The following PLXNA2 variants were observed in gnomAD, a reference collection of about 807,000 sequenced individuals.
PLXNA2 encodes the protein plexin-A2.
PLXNA2 carries 91 observed loss-of-function variants against 193.5 expected under a neutral mutation model. The observed-to-expected ratio is 0.47, with a 90% confidence interval of 0.40 to 0.56. The LOEUF is 0.56. Among genes scored for constraint, PLXNA2 ranks in the 20% least tolerant of loss-of-function variants. The pLI is 0.00. For missense variants in PLXNA2, 1,995 were observed against 2,503.2 expected, an observed-to-expected ratio of 0.80 and a Z score of 4.33; for synonymous variants, 997 against 1,027.3, an observed-to-expected ratio of 0.97 and a Z score of 0.56.
At chr1:208,128,686 T>C (rs1043567730) in intron 4 of PLXNA2, among the ~76,000 whole-genome samples, 2 of 104,940 alleles carry the variant, frequency 1.9e-5, no homozygotes, top group African/African-American at 7.4e-5. Flanking sequence ...AAGTGTTTCC[T>C]GTTTCTTTCT....
chr1:208,171,056 G>A (rs1428621992), intron 3 of PLXNA2, among the ~76,000 whole-genome samples: 1 of 152,102 alleles, frequency 6.6e-6, no homozygotes, highest in African/African-American at 2.4e-5. Context: ...AGGCTGTAAC[G>A]AGTGGTAACA....
rs779476787 is a variant in PLXNA2 at position 208,033,428 on chromosome 1, AC to A, written c.4945del (p.Val1649SerfsTer7). 6.2e-7 allele frequency: 1 copy of A among 1,613,780 alleles called. No individual in the cohort carries two copies. The highest frequency in any genetic ancestry group is 1.3e-5 in the African/African-American group (1 of 74,934). ...GTTCTTCACCAGATGCCACACCTTG[AC>A]CCCACTTTCCAGGTCTGGGGTGATC... ...PMITPDLESG[V>X]KVWHLVKNHD... On this transcript the variant is annotated frameshift_variant, in exon 28 of 32. Transcript: ENST00000367033. LOFTEE classifies it high-confidence loss of function.
rs114804645 is a variant in PLXNA2, at chr1:208,179,393, T to G, written c.1371+30887A>C. ...TGGCTCACAGCCAGCTCCATTTCCC[T>G]GCTAGGAGGTGCAGCCGGGGCTTTT... On this transcript the variant is annotated intron_variant, in intron 3 of 31. Coordinates refer to ENST00000367033, the MANE Select transcript of PLXNA2 (RefSeq NM_025179.4). Among the ~76,000 whole-genome samples, 976 of 152,270 alleles carry G rather than the reference T, an allele frequency of 6.4e-3. 13 individuals are homozygous for G. The highest frequency in any genetic ancestry group is 0.022 in the African/African-American group (926 of 41,566).
At chr1:208,235,789 T>C (rs1671832392) in intron 1 of PLXNA2, among the ~76,000 whole-genome samples, 2 of 152,176 alleles carry the variant, frequency 1.3e-5, no homozygotes, top group African/African-American at 4.8e-5. Flanking sequence ...CAGCTCCCCA[T>C]GCAGTTCAGA....
At chr1:208,221,579 G>A (rs991657802) in intron 1 of PLXNA2, among the ~76,000 whole-genome samples, 1 of 152,218 alleles carries the variant, frequency 6.6e-6, no homozygotes, top group African/African-American at 2.4e-5. Flanking sequence ...GAGTCAAGAG[G>A]AGGCACAGTC....
At chr1:208,221,341 C>A (rs1159394273) in intron 1 of PLXNA2, among the ~76,000 whole-genome samples, 4 of 149,968 alleles carry the variant, frequency 2.7e-5, no homozygotes, top group South Asian at 2.1e-4. Context: ...TTGCTCCAAC[C>A]TGGAGAGGCT....
chr1:208,034,532 C>G lies in PLXNA2; in HGVS notation c.4825G>C (p.Ala1609Pro), dbSNP rs775522018. The G allele has an allele frequency of 3.6e-5, 58 of 1,613,904 alleles. No homozygotes were observed. The highest frequency in any genetic ancestry group is 4.7e-5 in the Non-Finnish European group (56 of 1,179,910). ...PKQTSSYNIP[A>P]SASISRTSIS... is the part of the protein sequence containing the mutation. ...GACGTCCGGGAGATGCTGGCAGAGGCAGGGATGTTGTAGGAGGAGGTCTGT... is the reference window on the plus strand; with the variant it reads ...GACGTCCGGGAGATGCTGGCAGAGGGAGGGATGTTGTAGGAGGAGGTCTGT... Residue 1609 changes from alanine to proline, a missense_variant, in exon 27 of 32, where the codon GCC becomes CCC. By Grantham distance (27) the Ala-to-Pro change is conservative. Coordinates refer to ENST00000367033, the MANE Select transcript of PLXNA2 (RefSeq NM_025179.4).
intron 12 of PLXNA2, among the ~76,000 whole-genome samples, chr1:208,071,287 G>A (rs1000974123): frequency 6.6e-6 from 1 of 152,236 alleles, no homozygotes; most frequent in African/African-American, 2.4e-5. Context: ...GGGATTTCAG[G>A]AGGGTTCTGC....
chr1:208,164,870 C>T (rs185310844), intron 3 of PLXNA2, among the ~76,000 whole-genome samples: 258 of 152,328 alleles, frequency 1.7e-3, no homozygotes, highest in African/African-American at 5.3e-3. Flanking sequence ...CCCTTGTCTG[C>T]AGATCGGCAA....
In PLXNA2 at chr1:208,046,047, C is replaced by T; in HGVS notation, c.3326G>A (p.Gly1109Asp). ...ATCTGGGCGTTCCACAGTGTCCAGG[C>T]CAGGGCGGTAGTCCGTGGTCAGAGA... ...APSLTTDYRPGLDTVERPDEF... is the reference protein window; with the variant it reads ...APSLTTDYRPDLDTVERPDEF... The change falls in exon 18 of 32, where the codon GGC becomes GAC. Residue 1109 changes from glycine (G) to aspartate (D), a missense_variant. Gly to Asp is a moderately conservative substitution (Grantham distance 94). Coordinates refer to ENST00000367033, the MANE Select transcript of PLXNA2 (RefSeq NM_025179.4). 6.2e-7 allele frequency: 1 copy of T among 1,614,240 alleles called. No homozygotes were observed.
At chr1:208,164,937 G>A (rs932304466) in intron 3 of PLXNA2, among the ~76,000 whole-genome samples, 2 of 152,264 alleles carry the variant, frequency 1.3e-5, no homozygotes, top group African/African-American at 2.4e-5. Flanking sequence ...CTTAGGTGGG[G>A]GCCTTGCCAG....
chr1:208,152,779 G>A (rs1558218302), intron 3 of PLXNA2, among the ~76,000 whole-genome samples: 3 of 150,874 alleles, frequency 2.0e-5, no homozygotes, highest in Admixed American at 6.6e-5. Flanking sequence ...TTGTCATTCA[G>A]GAGTCTAGCT....
chr1:208,223,255 A>G (rs1299254070), intron 1 of PLXNA2, among the ~76,000 whole-genome samples: 1 of 151,354 alleles, frequency 6.6e-6, no homozygotes, highest in African/African-American at 2.4e-5. Context: ...TTAATATGAA[A>G]GACACCACAG....
chr1:208,113,655 T>A (rs1667557812), intron 4 of PLXNA2, among the ~76,000 whole-genome samples: 1 of 142,898 alleles, frequency 7.0e-6, no homozygotes, highest in South Asian at 2.4e-4. Flanking sequence ...ATTCATGCAA[T>A]CCTCCCACCT....
rs114734830 is a variant in PLXNA2, at chr1:208,159,644, C to T, written c.1372-17181G>A. 2.3e-3 allele frequency among the ~76,000 whole-genome samples: 355 copies of T among 152,342 alleles called. 2 individuals carry two copies. Among genetic ancestry groups the T allele is most frequent in the African/African-American group, 8.0e-3 (331 of 41,580 alleles). ...TGAAGATCTGAAAGTCTGGTGCTAC[C>T]GTGACGCCCACTTGCAATTCTTGCT... is the stretch of plus-strand genomic sequence containing the variant. On this transcript the variant is annotated intron_variant, in intron 3 of 31. Coordinates refer to ENST00000367033, the MANE Select transcript of PLXNA2 (RefSeq NM_025179.4).
chr1:208,151,412 T>C (rs1668758013), intron 3 of PLXNA2, among the ~76,000 whole-genome samples: 1 of 152,140 alleles, frequency 6.6e-6, no homozygotes, highest in Non-Finnish European at 1.5e-5. Context: ...GAGCCACTCT[T>C]TCAGGTCTGT....
In PLXNA2 at chr1:208,209,983, ATTTTT is replaced by A. The variant is rs1553297870; in HGVS notation, c.1371+292_1371+296del. On this transcript the variant is annotated intron_variant, in intron 3 of 31. Coordinates refer to ENST00000367033, the MANE Select transcript of PLXNA2 (RefSeq NM_025179.4). ...TTGCTTGATTTGGGAATGAAGAGCAATTTTTTTTTTTTTTTTTTTTTGCTTTTGCA... is the reference window on the plus strand; with the variant it reads ...TTGCTTGATTTGGGAATGAAGAGCAATTTTTTTTTTTTTTTTGCTTTTGCA... The A allele has an allele frequency of 9.3e-4, 82 of 87,922 alleles. 3 individuals are homozygous for A. Among genetic ancestry groups the A allele is most frequent in the South Asian group, 4.8e-3 (19 of 3,974 alleles). 5.4% of individuals were successfully genotyped at this position (87,922 alleles called of 1,614,324 possible). A position where few individuals can be genotyped will look rare whatever the true frequency, so the allele number is the denominator to read the frequency against.
intron 4 of PLXNA2, among the ~76,000 whole-genome samples, chr1:208,115,844 G>A (rs192719124): frequency 1.3e-5 from 2 of 152,290 alleles, no homozygotes; most frequent in African/African-American, 4.8e-5. Context: ...TCAAGAGTCA[G>A]TGTTTTGTAC....
Position 208,055,060 on chromosome 1 carries a change from G to A in PLXNA2, c.2739-522C>T, listed in dbSNP as rs141654707. 1.1e-3 allele frequency among the ~76,000 whole-genome samples: 175 copies of A among 152,278 alleles called. 1 individual carries two copies. The highest frequency in any genetic ancestry group is 8.5e-3 in the East Asian group (44 of 5,174). On this transcript the variant is annotated intron_variant, in intron 13 of 31. Coordinates refer to ENST00000367033, the MANE Select transcript of PLXNA2 (RefSeq NM_025179.4). ...GAGAGATAATCTGGTGAGATAGTGA[G>A]AGCTCAGAGAAGGAGCTCCCTGCAG...
Sources: allele counts gnomAD v4.1 joint callset (sites outside exome capture counted in the v4.1 genomes callset), GRCh38; gene constraint gnomAD v4.1.1; transcripts MANE v1.5; gene names NCBI Gene and HGNC (gene_info 2026-07-23, HGNC 2026-07-21).